NFIA: variants seen among roughly 807,000 people sequenced by gnomAD.
NFIA encodes nuclear factor 1 A-type.
NFIA carries 8 observed loss-of-function variants against 62.8 expected under a neutral mutation model. The observed-to-expected ratio is 0.13, with a 90% CI of 0.07 to 0.23. The LOEUF (loss-of-function observed/expected upper bound fraction) is 0.23, where lower values mean the gene tolerates loss of function less well. Ranked by LOEUF, NFIA falls within the 10% of genes least tolerant of loss-of-function variation. NFIA has a pLI of 1.00. For synonymous variants in NFIA, 235 were observed against 238.1 expected, an observed-to-expected ratio of 0.99 and a Z score of 0.12; for missense variants, 410 against 642.1, an observed-to-expected ratio of 0.64 and a Z score of 3.91.
chr1:61,391,659 T>C lies in NFIA; in HGVS notation c.1075+8294T>C, dbSNP rs185781770. Among the ~76,000 whole-genome samples, 259 of 152,314 alleles carry C rather than the reference T, an allele frequency of 1.7e-3. 1 individual carries two copies. The highest frequency in any genetic ancestry group is 5.8e-3 in the African/African-American group (242 of 41,576). On this transcript the variant is annotated intron_variant, in intron 7 of 10. Transcript: ENST00000403491. ...TATTTCCTGTGGCATTTTAAGTTTT[T>C]CTCTCCAAACTAAGGTCCCTCCAGA...
chr1:61,092,922 A>G (rs1172021670), intron 2 of NFIA, among the ~76,000 whole-genome samples: 4 of 152,154 alleles, frequency 2.6e-5, no homozygotes, highest in African/African-American at 9.7e-5. Context: ...GGCTGCACAG[A>G]GTGCTGTTTG....
intron 2 of NFIA, among the ~76,000 whole-genome samples, chr1:61,127,736 T>C (rs1647000853): frequency 1.3e-5 from 2 of 152,200 alleles, no homozygotes; most frequent in African/African-American, 2.4e-5. Flanking sequence ...ACTGCAATAT[T>C]GTTATACAGG....
chr1:61,323,644 A>G (rs144249222), intron 3 of NFIA, among the ~76,000 whole-genome samples: 7 of 152,166 alleles, frequency 4.6e-5, no homozygotes, highest in Non-Finnish European at 1.0e-4. Flanking sequence ...TTTGGCATTA[A>G]TGGATCAGCA....
chr1:61,107,557 T>C (rs1054224073), intron 2 of NFIA, among the ~76,000 whole-genome samples: 1 of 151,652 alleles, frequency 6.6e-6, no homozygotes, highest in Non-Finnish European at 1.5e-5. Flanking sequence ...GAGTTCTTTA[T>C]AGATTCTGCA....
Position 61,134,497 on chromosome 1 carries a change from A to C in NFIA, c.559+45817A>C, listed in dbSNP as rs533941424. Among the ~76,000 whole-genome samples, 5 of 152,264 alleles carry C rather than the reference A, an allele frequency of 3.3e-5. 1 individual carries two copies. In the South Asian group the frequency reaches 1.0e-3, roughly 32 times the overall value. The stretch of plus-strand genomic sequence containing the variant: ...TCCATGTTACTCTGTGGGACTCAGA[A>C]ATCTTGCTTACATGTCTCATGAACT... On this transcript the variant is annotated intron_variant, in intron 2 of 10. Coordinates refer to ENST00000403491, the MANE Select transcript of NFIA (RefSeq NM_001134673.4).
At chr1:61,342,428 G>A (rs149958778) in intron 4 of NFIA, among the ~76,000 whole-genome samples, 1 of 152,278 alleles carries the variant, frequency 6.6e-6, no homozygotes, top group African/African-American at 2.4e-5. Flanking sequence ...GGCTGTATCA[G>A]ATACTAAGCA....
In NFIA at chr1:61,163,304, C is replaced by A. The variant is rs137940722; in HGVS notation, c.559+74624C>A. 9.2e-3 allele frequency among the ~76,000 whole-genome samples: 1,393 copies of A among 152,180 alleles called. 17 individuals carry two copies. Among genetic ancestry groups the A allele is most frequent in the Middle Eastern group, 0.061 (18 of 294 alleles). On this transcript the variant is annotated intron_variant, in intron 2 of 10. Transcript: ENST00000403491. ...TGTGAAGCAATATAACCTGTGGTTA[C>A]GAGTTATGTGTCTTAGAAAGACTTA...
intron 10 of NFIA, among the ~76,000 whole-genome samples, chr1:61,446,097 A>G (rs997515756): frequency 2.6e-5 from 4 of 152,224 alleles, no homozygotes; most frequent in Admixed American, 1.3e-4. Flanking sequence ...AGAAAGGCAT[A>G]GCAACAGGAT....
At chr1:61,222,997 CT>C in intron 2 of NFIA, among the ~76,000 whole-genome samples, 1 of 151,702 alleles carries the variant, frequency 6.6e-6, no homozygotes, top group East Asian at 1.9e-4. Context: ...TTTTTTGTTT[CT>C]GCTCTGAAAT....
chr1:61,415,271 G>A (rs1038853305), intron 9 of NFIA, among the ~76,000 whole-genome samples: 4 of 152,000 alleles, frequency 2.6e-5, no homozygotes, highest in Admixed American at 6.6e-5. Context: ...AATAGCACAA[G>A]AAAATACAGG....
chr1:61,094,954 G>C (rs934188583), intron 2 of NFIA, among the ~76,000 whole-genome samples: 1 of 152,138 alleles, frequency 6.6e-6, no homozygotes, highest in African/African-American at 2.4e-5. Flanking sequence ...TTGCTTTTCT[G>C]TTTGTAAAAC....
upstream of NFIA, chr1:61,077,500 C>A (rs551594577): frequency 3.2e-4 from 281 of 871,330 alleles, 1 homozygote; most frequent in African/African-American, 4.5e-3. Context: ...TTTAAAAAAT[C>A]TCTTCCGGGT....
chr1:61,281,919 T>C (rs1658159752), intron 3 of NFIA, among the ~76,000 whole-genome samples: 1 of 152,186 alleles, frequency 6.6e-6, no homozygotes, highest in Non-Finnish European at 1.5e-5. Context: ...GATGAATATA[T>C]TGTCATTACT....
chr1:61,340,171 T>A (rs1203151745), intron 4 of NFIA, among the ~76,000 whole-genome samples: 1 of 152,190 alleles, frequency 6.6e-6, no homozygotes, highest in Non-Finnish European at 1.5e-5. Context: ...ATGAATACTC[T>A]TATTATAAAG....
intron 2 of NFIA, among the ~76,000 whole-genome samples, chr1:61,275,640 T>C (rs1392961543): frequency 2.0e-5 from 3 of 152,158 alleles, no homozygotes; most frequent in East Asian, 3.8e-4. Flanking sequence ...TTTCGGGACA[T>C]GATCAAGAAT....
At chr1:61,148,245 G>A (rs966143180) in intron 2 of NFIA, among the ~76,000 whole-genome samples, 1 of 152,042 alleles carries the variant, frequency 6.6e-6, no homozygotes, top group African/African-American at 2.4e-5. Context: ...AAAAATCCTG[G>A]TCCCTGCGTA....
chr1:61,410,033 G>A (rs951381503), intron 9 of NFIA, among the ~76,000 whole-genome samples: 1 of 152,098 alleles, frequency 6.6e-6, no homozygotes, highest in Admixed American at 6.6e-5. Flanking sequence ...TCTGTGACAC[G>A]GCATGGCTGT....
At position 61,257,925 on chromosome 1, in the gene NFIA, C is replaced by T. The variant is rs574116634; in HGVS notation, c.560-19595C>T. 1.0e-3 allele frequency among the ~76,000 whole-genome samples: 147 copies of T among 147,420 alleles called. 1 individual carries two copies. Among genetic ancestry groups the T allele is most frequent in the Admixed American group, 2.5e-3 (37 of 14,766 alleles). Reference sequence around the variant, plus strand: ...TGAGACAGGGTTTTGCTAAGTTTCCCAGGCTGGTCTTAAATGATGCTCTCA... The same window carrying T: ...TGAGACAGGGTTTTGCTAAGTTTCCTAGGCTGGTCTTAAATGATGCTCTCA... On this transcript the variant is annotated intron_variant, in intron 2 of 10. Transcript: ENST00000403491.
At chr1:61,237,356 T>G (rs1655070345) in intron 2 of NFIA, among the ~76,000 whole-genome samples, 1 of 152,216 alleles carries the variant, frequency 6.6e-6, no homozygotes, top group South Asian at 2.1e-4. Flanking sequence ...AGTGGTGATT[T>G]GTAATTCTGT....
Sources: gnomAD v4.1 joint callset for allele counts (sites outside exome capture counted in the v4.1 genomes callset) on GRCh38, gnomAD v4.1.1 for gene constraint, MANE v1.5 for transcripts, NCBI Gene and HGNC (gene_info 2026-07-23, HGNC 2026-07-21) for gene names.